Variants in LRRC49 observed in about 807,000 individuals in gnomAD.
LRRC49 encodes the protein leucine rich repeat containing 49.
Under a neutral mutation model 83.3 loss-of-function variants are expected in LRRC49, and 50 were observed. The ratio of observed to expected loss-of-function variants is 0.60; its 90% CI spans 0.48 to 0.76. The LOEUF is 0.76. Ranked by LOEUF, LRRC49 falls within the 30% of genes least tolerant of loss-of-function variation. LRRC49 has a pLI of 0.00. For missense variants in LRRC49, 704 were observed against 809.1 expected (o/e 0.87, Z 1.58); for synonymous variants, 286 against 283.3 (o/e 1.01, Z -0.10).
At chr15:70,900,428 A>G (rs1433037329) in intron 3 of LRRC49, 1 of 455,810 alleles carries the variant, frequency 2.2e-6, no homozygotes, top group Non-Finnish European at 4.4e-6. Flanking sequence ...TGTATTTCCT[A>G]TGCATCTCAT....
Position 70,904,693 on chromosome 15 carries a change from T to A in LRRC49, c.438T>A (p.Ile146=). 3.1e-6 allele frequency: 5 copies of A among 1,613,786 alleles called. No individual in the cohort carries two copies. Among genetic ancestry groups the A allele is most frequent in the Non-Finnish European group, 4.2e-6 (5 of 1,179,728 alleles). Residue 146 remains isoleucine, a synonymous_variant, in exon 5 of 16, where the codon ATT becomes ATA. Transcript: ENST00000260382. ...LISLDLYDNQ[I]EEISGLSTLR... is the part of the protein sequence containing the mutation. The stretch of plus-strand genomic sequence containing the variant: ...CGTTGGATTTATATGATAACCAGAT[T>A]GAAGAAATTAGTGGGCTTTCGACTC...
At chr15:70,973,472 T>C (rs2037088387) in intron 9 of LRRC49, among the ~76,000 whole-genome samples, 1 of 152,206 alleles carries the variant, frequency 6.6e-6, no homozygotes, top group Admixed American at 6.5e-5. Context: ...AGGGACCCAC[T>C]TGAGGAGGCA....
rs545010833 is a variant in LRRC49, at chr15:71,022,679, C to T, written c.1703+9766C>T. 4.6e-5 allele frequency among the ~76,000 whole-genome samples: 7 copies of T among 152,190 alleles called. No individual in the cohort carries two copies. The South Asian group carries it at 1.2e-3, about 27-fold the overall frequency. On this transcript the variant is annotated intron_variant, in intron 14 of 15. Coordinates refer to ENST00000260382, the MANE Select transcript of LRRC49 (RefSeq NM_017691.5). ...AATTTGTATGCACTTATTAGCATAA[C>T]CTTAAAAATGTATAACCCCAAAATT...
intron 1 of LRRC49, among the ~76,000 whole-genome samples, chr15:70,862,213 G>C (rs567196481): frequency 8.1e-4 from 124 of 152,274 alleles, no homozygotes; most frequent in African/African-American, 2.8e-3. Flanking sequence ...CAGGGTGAGG[G>C]CTTCATTAGG....
In LRRC49 at chr15:70,892,943, G is replaced by A. The variant is rs2033649765; in HGVS notation, c.48+1G>A. Reference sequence around the variant, plus strand: ...TGTTTCTGGCCGGGCTGCGAACAACGTAAGTTGGGCCTTCTACTTTCTCTT... The same window carrying A: ...TGTTTCTGGCCGGGCTGCGAACAACATAAGTTGGGCCTTCTACTTTCTCTT... On this transcript the variant is annotated splice_donor_variant, in intron 1 of 15. Coordinates refer to ENST00000260382, the MANE Select transcript of LRRC49 (RefSeq NM_017691.5). LOFTEE classifies it high-confidence loss of function. 5 of 1,614,170 alleles carry A rather than the reference G, an allele frequency of 3.1e-6. No individual in the cohort carries two copies. In the East Asian group the frequency reaches 1.1e-4, roughly 36 times the overall value.
intron 7 of LRRC49, among the ~76,000 whole-genome samples, chr15:70,933,194 T>G (rs1189766346): frequency 1.3e-5 from 2 of 152,222 alleles, no homozygotes; most frequent in East Asian, 3.8e-4. Context: ...TAAAAGATTA[T>G]ATTTTCCAAA....
At chr15:70,920,716 A>G (rs1032725171) in intron 7 of LRRC49, among the ~76,000 whole-genome samples, 1 of 152,224 alleles carries the variant, frequency 6.6e-6, no homozygotes, top group African/African-American at 2.4e-5. Flanking sequence ...GGCAGCAGTA[A>G]ACAACTTATG....
chr15:70,871,716 CG>C (rs2033045451), intron 1 of LRRC49, among the ~76,000 whole-genome samples: 1 of 148,262 alleles, frequency 6.7e-6, no homozygotes, highest in Non-Finnish European at 1.5e-5. Flanking sequence ...ACCTCCCAGA[CG>C]GGGTGGTGGT....
At chr15:70,912,915 G>A (rs2034609476) in intron 6 of LRRC49, among the ~76,000 whole-genome samples, 1 of 152,076 alleles carries the variant, frequency 6.6e-6, no homozygotes, top group South Asian at 2.1e-4. Context: ...CTGACCTCGT[G>A]ATCCACCTGC....
chr15:70,872,960 A>G (rs915672729), exon 2 of LRRC49: 3 of 457,850 alleles, frequency 6.6e-6, no homozygotes, highest in South Asian at 4.9e-5. Flanking sequence ...GATCTCGCTC[A>G]CTGCAACCTC....
rs1169337253 is a variant in LRRC49, at chr15:71,051,219, T to C, written c.*1607T>C. Reference sequence around the variant, plus strand: ...CAGTTTCCTCCTGATAGCACACACTTCGTAAGATAGTCATGAGAATCAAAA... The same window carrying C: ...CAGTTTCCTCCTGATAGCACACACTCCGTAAGATAGTCATGAGAATCAAAA... On this transcript the variant is annotated 3_prime_UTR_variant, in exon 16 of 16. Transcript: ENST00000260382. The C allele has an allele frequency of 6.6e-6, 1 of 152,216 alleles. No individual in the cohort carries two copies. Among genetic ancestry groups the C allele is most frequent in the Admixed American group, 6.5e-5 (1 of 15,280 alleles). 9.4% of individuals were successfully genotyped at this position (152,216 alleles called of 1,614,324 possible).
At chr15:70,906,338 G>A (rs909854588) in intron 5 of LRRC49, among the ~76,000 whole-genome samples, 2 of 151,938 alleles carry the variant, frequency 1.3e-5, no homozygotes, top group Admixed American at 6.6e-5. Flanking sequence ...CTTGTGATCC[G>A]CCTGCCTTGG....
rs533460076 is a variant in LRRC49, at chr15:71,028,322, T to C, written c.1704-8857T>C. On this transcript the variant is annotated intron_variant, in intron 14 of 15. Transcript: ENST00000260382. ...ACTTGATCATGCTGGATAAGCTTCT[T>C]GATGTCCTGCTGGATTCAGTTGGCC... is the stretch of plus-strand genomic sequence containing the variant. 9.2e-5 allele frequency among the ~76,000 whole-genome samples: 14 copies of C among 152,324 alleles called. No homozygotes were observed. The South Asian group carries it at 2.3e-3, about 25-fold the overall frequency.
intron 1 of LRRC49, among the ~76,000 whole-genome samples, chr15:70,871,701 T>A (rs541696579): frequency 7.0e-6 from 1 of 143,278 alleles, no homozygotes; most frequent in Non-Finnish European, 1.5e-5. Context: ...GAAGAGACGC[T>A]CCTCACCTCC....
chr15:70,969,741 CA>C (rs2036924974), intron 9 of LRRC49, among the ~76,000 whole-genome samples: 2 of 152,094 alleles, frequency 1.3e-5, no homozygotes, highest in Admixed American at 6.5e-5. Flanking sequence ...CTGTTTGTAG[CA>C]ATTGTGAATG....
chr15:70,974,074 C>A (rs2037114700), intron 9 of LRRC49, among the ~76,000 whole-genome samples: 1 of 151,912 alleles, frequency 6.6e-6, no homozygotes, highest in South Asian at 2.1e-4. Flanking sequence ...TTGCGGTGAG[C>A]CGAGATCGCG....
At chr15:70,891,692 C>A (rs1227615276), upstream of LRRC49, 5 of 655,020 alleles carry the variant, frequency 7.6e-6, no homozygotes, top group Non-Finnish European at 1.3e-5. Flanking sequence ...ATAAGTGGGA[C>A]CTTGGAGATC....
At chr15:70,928,770 G>GTTTATTTATTTGAGACAGA (rs1426604951) in intron 7 of LRRC49, among the ~76,000 whole-genome samples, 1 of 152,064 alleles carries the variant, frequency 6.6e-6, no homozygotes, top group African/African-American at 2.4e-5. Flanking sequence ...TCACCACATT[G>GTTTATTTATTTGAGACAGA]GTCAGGCTGG....
intron 3 of LRRC49, among the ~76,000 whole-genome samples, chr15:70,897,383 T>G (rs551315675): frequency 6.6e-5 from 10 of 152,276 alleles, no homozygotes; most frequent in Middle Eastern, 3.4e-3. Context: ...TTTAAAAAAT[T>G]TATTCAAAAT....
Sources: gnomAD v4.1 joint callset for allele counts (sites outside exome capture counted in the v4.1 genomes callset) on GRCh38, gnomAD v4.1.1 for gene constraint, MANE v1.5 for transcripts, NCBI Gene and HGNC (gene_info 2026-07-23, HGNC 2026-07-21) for gene names.